The following GCNT2 variants were observed in gnomAD, a reference collection of about 807,000 sequenced individuals.
GCNT2 encodes the protein glucosaminyl (N-acetyl) transferase 2 (I blood group), also known as N-acetyllactosaminide beta-1,6-N-acetylglucosaminyl-transferase.
GCNT2 carries 34 observed loss-of-function variants against 34.2 expected under a neutral mutation model. That is an observed-to-expected ratio of 1.00 (90% CI 0.76 to 1.32). The LOEUF is 1.32. GCNT2 is among the 40% of genes most tolerant of loss of function. GCNT2 has a pLI of 0.00. For missense variants in GCNT2, 584 were observed against 489.4 expected, an observed-to-expected ratio of 1.19 and a Z score of -1.82; for synonymous variants, 212 against 188.0, an observed-to-expected ratio of 1.13 and a Z score of -1.04.
At position 10,528,964 on chromosome 6, in the gene GCNT2, T is replaced by A; in HGVS notation, c.53T>A (p.Leu18Gln). ...CLFSASLISALIFVFVYNTEL... is the reference protein window; with the variant it reads ...CLFSASLISAQIFVFVYNTEL... ...TTTAGCGCGTCTCTTATCTCTGCCC[T>A]GATTTTTGTATTTGTTTACAATACT... The change falls in exon 3 of 5, where the codon CTG (leucine) becomes CAG (glutamine). Residue 18 changes from leucine (L) to glutamine (Q), a missense_variant. Leu to Gln is a moderately radical substitution (Grantham distance 113). Coordinates refer to ENST00000495262, the MANE Select transcript of GCNT2 (RefSeq NM_145649.5). 6.2e-7 allele frequency: 1 copy of A among 1,614,090 alleles called. No individual in the cohort carries two copies. The highest frequency in any genetic ancestry group is 8.5e-7 in the Non-Finnish European group (1 of 1,179,920).
intron 3 of GCNT2, among the ~76,000 whole-genome samples, chr6:10,603,235 G>C (rs1049396850): frequency 2.5e-4 from 38 of 152,184 alleles, no homozygotes; most frequent in African/African-American, 8.2e-4. Context: ...CAATGGTACA[G>C]GTCCCTTGTA....
chr6:10,539,084 A>G (rs1761915183), intron 3 of GCNT2, among the ~76,000 whole-genome samples: 1 of 149,014 alleles, frequency 6.7e-6, no homozygotes, highest in Non-Finnish European at 1.5e-5. Context: ...AGATTTGTTT[A>G]CTCTCTATTA....
intron 3 of GCNT2, among the ~76,000 whole-genome samples, chr6:10,592,299 T>A (rs561184716): frequency 6.6e-6 from 1 of 152,358 alleles, no homozygotes; most frequent in South Asian, 2.1e-4. Flanking sequence ...TAAGTATGCA[T>A]AATAAATGAG....
chr6:10,561,157 A>ATTTTC (rs1362687937), intron 3 of GCNT2, among the ~76,000 whole-genome samples: 1 of 151,746 alleles, frequency 6.6e-6, no homozygotes, highest in Non-Finnish European at 1.5e-5. Context: ...TTCTTTCAGA[A>ATTTTC]TTTTCTTTTC....
chr6:10,618,023 GGGATTACAGGTGTGA>G lies in GCNT2; in HGVS notation c.926-3326_926-3312del. On this transcript the variant is annotated intron_variant, in intron 3 of 4. Coordinates refer to ENST00000495262, the MANE Select transcript of GCNT2 (RefSeq NM_145649.5). ...GCCCGCCTCGGCCTCCCAAAGTGCT[GGGATTACAGGTGTGA>G]GCCACCACGCCTGGCCAGATTCTGC... is the stretch of plus-strand genomic sequence containing the variant. Among the ~76,000 whole-genome samples, 4 of 152,206 alleles carry G rather than the reference GGGATTACAGGTGTGA, an allele frequency of 2.6e-5. 1 individual carries two copies. Among genetic ancestry groups the G allele is most frequent in the Admixed American group, 2.6e-4 (4 of 15,278 alleles).
chr6:10,557,114 C>T (rs1762752167), intron 3 of GCNT2: 1 of 1,559,822 alleles, frequency 6.4e-7, no homozygotes, highest in South Asian at 1.2e-5. Context: ...TAAATATGTC[C>T]ACCAAGAGCA....
chr6:10,603,392 G>T (rs1347889907), intron 3 of GCNT2, among the ~76,000 whole-genome samples: 1 of 152,190 alleles, frequency 6.6e-6, no homozygotes, highest in Non-Finnish European at 1.5e-5. Flanking sequence ...GCCATTGGAA[G>T]AAAACTTTAA....
At chr6:10,615,102 A>G (rs888666766) in intron 3 of GCNT2, among the ~76,000 whole-genome samples, 2 of 152,192 alleles carry the variant, frequency 1.3e-5, no homozygotes, top group East Asian at 1.9e-4. Context: ...AATAGTTAGT[A>G]AGAGACTAAC....
chr6:10,615,500 G>T (rs1765720474), intron 3 of GCNT2, among the ~76,000 whole-genome samples: 1 of 152,118 alleles, frequency 6.6e-6, no homozygotes, highest in Non-Finnish European at 1.5e-5. Context: ...TTTTCATAGA[G>T]ATGGGATTTC....
intron 3 of GCNT2, chr6:10,557,488 A>ATTTTTTTT (rs1561797769): frequency 9.2e-5 from 62 of 674,716 alleles, no homozygotes; most frequent in South Asian, 8.7e-4. Flanking sequence ...ATGCAGAAAG[A>ATTTTTTTT]TGTTCTTTTT....
intron 3 of GCNT2, among the ~76,000 whole-genome samples, chr6:10,572,130 T>C (rs1396755341): frequency 6.6e-6 from 1 of 152,110 alleles, no homozygotes; most frequent in Non-Finnish European, 1.5e-5. Context: ...CCGGGACAGT[T>C]GGTCACCCTG....
At chr6:10,612,276 C>T (rs1410430655) in intron 3 of GCNT2, among the ~76,000 whole-genome samples, 1 of 152,156 alleles carries the variant, frequency 6.6e-6, no homozygotes, top group African/African-American at 2.4e-5. Flanking sequence ...CGTGAGCCAC[C>T]GCGCCCGGCC....
chr6:10,626,429 A>G lies in GCNT2; in HGVS notation c.1031A>G (p.His344Arg), dbSNP rs773424919. ...RHGGCHGHYVHGICIYGNGDL... is the reference protein window; with the variant it reads ...RHGGCHGHYVRGICIYGNGDL... The stretch of plus-strand genomic sequence containing the variant: ...CTTTCTTTTGCAGGCCACTATGTAC[A>G]TGGTATTTGTATCTATGGAAACGGA... The change falls in exon 5 of 5, where the codon CAT becomes CGT. Residue 344 changes from histidine (H) to arginine (R), a missense_variant. His to Arg is a conservative substitution (Grantham distance 29). Coordinates refer to ENST00000495262, the MANE Select transcript of GCNT2 (RefSeq NM_145649.5). 1 of 1,611,796 alleles carries G rather than the reference A, an allele frequency of 6.2e-7. No homozygotes were observed. Among genetic ancestry groups the G allele is most frequent in the Non-Finnish European group, 8.5e-7 (1 of 1,177,880 alleles).
At chr6:10,595,513 G>A (rs752944734) in intron 3 of GCNT2, among the ~76,000 whole-genome samples, 7 of 151,880 alleles carry the variant, frequency 4.6e-5, no homozygotes, top group African/African-American at 1.7e-4. Context: ...TCCTGACCTC[G>A]TGATCTGCCC....
chr6:10,597,864 G>A (rs778796913), intron 3 of GCNT2, among the ~76,000 whole-genome samples: 2 of 152,232 alleles, frequency 1.3e-5, no homozygotes, highest in African/African-American at 2.4e-5. Context: ...AAAAACAGTA[G>A]AATACTAAGC....
chr6:10,574,523 C>T (rs1229368807), intron 3 of GCNT2, among the ~76,000 whole-genome samples: 1 of 152,160 alleles, frequency 6.6e-6, no homozygotes, highest in Non-Finnish European at 1.5e-5. Context: ...TCATTTCACA[C>T]TTCCTCATCT....
At chr6:10,572,454 T>C (rs1168838998) in intron 3 of GCNT2, among the ~76,000 whole-genome samples, 1 of 152,188 alleles carries the variant, frequency 6.6e-6, no homozygotes, top group Non-Finnish European at 1.5e-5. Flanking sequence ...CCGGGCGCTG[T>C]GGCTCACGCC....
chr6:10,626,194 G>GCAT (rs1220461722), intron 4 of GCNT2, among the ~76,000 whole-genome samples: 1 of 152,102 alleles, frequency 6.6e-6, no homozygotes, highest in African/African-American at 2.4e-5. Flanking sequence ...TGCCTTGTAT[G>GCAT]ATTTAACTCT....
chr6:10,563,561 G>A (rs551094330), intron 3 of GCNT2, among the ~76,000 whole-genome samples: 2 of 151,682 alleles, frequency 1.3e-5, no homozygotes, highest in South Asian at 4.2e-4. Context: ...GGCCAACATG[G>A]TGAAATGCCT....
Sources: gnomAD v4.1 joint callset for allele counts (sites outside exome capture counted in the v4.1 genomes callset) on GRCh38, gnomAD v4.1.1 for gene constraint, MANE v1.5 for transcripts, NCBI Gene and HGNC (gene_info 2026-07-23, HGNC 2026-07-21) for gene names.